Variants in MBD5 observed in about 807,000 individuals in gnomAD.
MBD5 encodes methyl-CpG-binding domain protein 5.
In MBD5, 13 loss-of-function variants were observed where a neutral mutation model predicts 117.3. That is an observed-to-expected ratio of 0.11 (90% CI 0.07 to 0.18). The LOEUF (loss-of-function observed/expected upper bound fraction) is 0.18, where lower values mean the gene tolerates loss of function less well. Ranked by LOEUF, MBD5 falls within the 10% of genes least tolerant of loss-of-function variation. The pLI is 1.00. For synonymous variants in MBD5, 727 were observed against 766.4 expected (o/e 0.95, Z 0.85); for missense variants, 1,879 against 2,093.8 (o/e 0.90, Z 2.00).
At chr2:148,320,241 C>A (rs1425884686) in intron 3 of MBD5, among the ~76,000 whole-genome samples, 3 of 152,144 alleles carry the variant, frequency 2.0e-5, no homozygotes, top group African/African-American at 7.2e-5. Context: ...CAGTGCCATA[C>A]AGACCTCATA....
At position 148,407,626 on chromosome 2, in the gene MBD5, T is replaced by C. The variant is rs149115427; in HGVS notation, c.-556-50577T>C. Among the ~76,000 whole-genome samples the C allele has an allele frequency of 1.1e-3, 169 of 152,254 alleles. 1 individual carries two copies. The highest frequency in any genetic ancestry group is 3.1e-3 in the East Asian group (16 of 5,190). On this transcript the variant is annotated intron_variant, in intron 4 of 13. Transcript: ENST00000642680. ...GATTTCTTTTTCAAAAATAATATTATGTTGTTGAGGTGTTCATACCTGAAA... is the reference window on the plus strand; with the variant it reads ...GATTTCTTTTTCAAAAATAATATTACGTTGTTGAGGTGTTCATACCTGAAA...
intron 1 of MBD5, among the ~76,000 whole-genome samples, chr2:148,095,356 A>G (rs530114604): frequency 4.6e-4 from 70 of 152,286 alleles, no homozygotes; most frequent in Non-Finnish European, 6.5e-4. Context: ...ATTAGATATT[A>G]TAGGAAATAA....
intron 3 of MBD5, among the ~76,000 whole-genome samples, chr2:148,258,366 A>G (rs886781669): frequency 3.3e-5 from 5 of 152,122 alleles, no homozygotes; most frequent in African/African-American, 1.2e-4. Flanking sequence ...ATAACCCTCA[A>G]TGTAAGCAGG....
At chr2:148,398,755 AG>A (rs1182167025) in intron 4 of MBD5, among the ~76,000 whole-genome samples, 1 of 152,202 alleles carries the variant, frequency 6.6e-6, no homozygotes, top group African/African-American at 2.4e-5. Context: ...GGTATTGCCT[AG>A]GTTTTCTTCT....
At chr2:148,217,678 A>G (rs1253158740) in intron 2 of MBD5, among the ~76,000 whole-genome samples, 1 of 152,120 alleles carries the variant, frequency 6.6e-6, no homozygotes, top group Non-Finnish European at 1.5e-5. Context: ...GCTGAGTCCT[A>G]TTCTGTATGA....
At chr2:148,179,216 G>A (rs1247096032) in intron 2 of MBD5, among the ~76,000 whole-genome samples, 3 of 151,976 alleles carry the variant, frequency 2.0e-5, no homozygotes, top group Non-Finnish European at 4.4e-5. Context: ...TTAGGCGGGC[G>A]TGGTGGCAGG....
chr2:148,328,599 A>G (rs1181228793), intron 3 of MBD5, among the ~76,000 whole-genome samples: 2 of 152,166 alleles, frequency 1.3e-5, no homozygotes, highest in African/African-American at 4.8e-5. Context: ...GAGTGACCCA[A>G]TTTTCCAGGT....
In MBD5 at chr2:148,032,090, C is replaced by G. The variant is rs569301143; in HGVS notation, c.-925+10406C>G. 2.6e-5 allele frequency among the ~76,000 whole-genome samples: 4 copies of G among 151,942 alleles called. No homozygotes were observed. In the South Asian group the frequency reaches 8.3e-4, roughly 31 times the overall value. On this transcript the variant is annotated intron_variant, in intron 1 of 13. Coordinates refer to ENST00000642680, the MANE Select transcript of MBD5 (RefSeq NM_001378120.1). ...TAATATGGCTCTGTATTTTTTTTAG[C>G]TAAAATGTCATAGTGAATTTCTTTA... is the stretch of plus-strand genomic sequence containing the variant.
intron 4 of MBD5, among the ~76,000 whole-genome samples, chr2:148,441,882 C>T (rs573225938): frequency 1.3e-5 from 2 of 151,996 alleles, no homozygotes; most frequent in Non-Finnish European, 1.5e-5. Context: ...TTTCATGTGT[C>T]TTTTGGCTGC....
intron 3 of MBD5, among the ~76,000 whole-genome samples, chr2:148,265,998 G>A (rs12995220): frequency 6.6e-6 from 1 of 152,126 alleles, no homozygotes; most frequent in Non-Finnish European, 1.5e-5. Context: ...TGGCGACTTA[G>A]ATTGGGGTGG....
chr2:148,244,140 A>G (rs1012809965), intron 3 of MBD5: 6 of 151,750 alleles, frequency 4.0e-5, no homozygotes, highest in Admixed American at 3.3e-4. Context: ...AACTGATTTT[A>G]TCTGGCTTTC....
intron 1 of MBD5, among the ~76,000 whole-genome samples, chr2:148,104,120 A>G (rs1379337203): frequency 6.6e-6 from 1 of 152,100 alleles, no homozygotes; most frequent in African/African-American, 2.4e-5. Context: ...GATTAGGTAT[A>G]TCTCCCCTGG....
chr2:148,434,912 G>A (rs980827251), intron 4 of MBD5, among the ~76,000 whole-genome samples: 6 of 152,084 alleles, frequency 3.9e-5, no homozygotes, highest in Admixed American at 2.0e-4. Context: ...ATGAATCTGG[G>A]TGCTTGTTTT....
chr2:148,467,043 A>G (rs1422793618), intron 7 of MBD5, among the ~76,000 whole-genome samples: 1 of 152,178 alleles, frequency 6.6e-6, no homozygotes, highest in Non-Finnish European at 1.5e-5. Flanking sequence ...GTCTCAAAAT[A>G]GGTATGGCAG....
chr2:148,220,644 T>G (rs1038568721), intron 2 of MBD5, among the ~76,000 whole-genome samples: 2 of 152,172 alleles, frequency 1.3e-5, no homozygotes, highest in African/African-American at 2.4e-5. Flanking sequence ...TGTGTATATA[T>G]TTGTACGATA....
At chr2:148,080,429 G>T (rs1001884735) in intron 1 of MBD5, among the ~76,000 whole-genome samples, 7 of 151,986 alleles carry the variant, frequency 4.6e-5, no homozygotes, top group African/African-American at 1.7e-4. Flanking sequence ...TTATTCAACA[G>T]CAAATTTGAA....
At chr2:148,052,281 G>T (rs1460964251) in intron 1 of MBD5, among the ~76,000 whole-genome samples, 2 of 134,806 alleles carry the variant, frequency 1.5e-5, no homozygotes, top group African/African-American at 2.8e-5. Flanking sequence ...TGCAATCTTG[G>T]CTCACTGCAA....
chr2:148,106,818 A>G (rs1177249702), intron 1 of MBD5, among the ~76,000 whole-genome samples: 1 of 151,966 alleles, frequency 6.6e-6, no homozygotes, highest in Non-Finnish European at 1.5e-5. Flanking sequence ...GAATATTTTT[A>G]TTACATTTTT....
chr2:148,200,585 C>T (rs952774686), intron 2 of MBD5, among the ~76,000 whole-genome samples: 1 of 151,378 alleles, frequency 6.6e-6, no homozygotes, highest in Admixed American at 6.6e-5. Flanking sequence ...CCCAGCTACT[C>T]GGGAGGCTGA....
Sources: allele counts gnomAD v4.1 joint callset (sites outside exome capture counted in the v4.1 genomes callset), GRCh38; gene constraint gnomAD v4.1.1; transcripts MANE v1.5; gene names NCBI Gene and HGNC (gene_info 2026-07-23, HGNC 2026-07-21).